Variants in ADAMTS18 observed in about 807,000 individuals in gnomAD.
The protein encoded by ADAMTS18 is ADAM metallopeptidase with thrombospondin type 1 motif 18.
A neutral mutation model predicts 165.9 loss-of-function variants in ADAMTS18; 157 were observed. The ratio of observed to expected loss-of-function variants is 0.95; its 90% CI spans 0.83 to 1.08. The LOEUF is 1.08. ADAMTS18 is among the 50% of genes least tolerant of loss of function. The pLI is 0.00. For synonymous variants in ADAMTS18, 782 were observed against 578.2 expected (o/e 1.35, Z -5.06); for missense variants, 2,040 against 1,534.0 (o/e 1.33, Z -5.51).
chr16:77,416,836 C>G (rs116807944), intron 3 of ADAMTS18, among the ~76,000 whole-genome samples: 1 of 152,140 alleles, frequency 6.6e-6, no homozygotes, highest in African/African-American at 2.4e-5. Flanking sequence ...AGAGAAGAAG[C>G]TGCTACAGGA....
chr16:77,333,093 G>A (rs2056216671), intron 12 of ADAMTS18, among the ~76,000 whole-genome samples: 1 of 152,154 alleles, frequency 6.6e-6, no homozygotes, highest in African/African-American at 2.4e-5. Flanking sequence ...TAGAACCCTA[G>A]TTTAGATGAA....
intron 3 of ADAMTS18, among the ~76,000 whole-genome samples, chr16:77,388,753 C>T (rs1007852237): frequency 5.3e-5 from 8 of 152,120 alleles, no homozygotes; most frequent in African/African-American, 1.9e-4. Flanking sequence ...GTTTTCTTCC[C>T]CTCAGCAATG....
At position 77,307,659 on chromosome 16, in the gene ADAMTS18, C is replaced by T. The variant is rs1038016824; in HGVS notation, c.2533-7255G>A. Among the ~76,000 whole-genome samples, 12 of 152,308 alleles carry T rather than the reference C, an allele frequency of 7.9e-5. No homozygotes were observed. The East Asian group carries it at 2.1e-3, about 27-fold the overall frequency. ...CATCGCAAAAGTACCTCTGAATCGT[C>T]CTCTCGAGCCTGACTATTCTATCAT... On this transcript the variant is annotated intron_variant, in intron 16 of 22. Transcript: ENST00000282849.
chr16:77,358,353 A>G (rs1291293688), intron 8 of ADAMTS18, among the ~76,000 whole-genome samples: 1 of 152,156 alleles, frequency 6.6e-6, no homozygotes, highest in Non-Finnish European at 1.5e-5. Context: ...AGGTCGGCAG[A>G]TCACCTGTAG....
At chr16:77,346,567 T>G (rs1372043226) in intron 10 of ADAMTS18, among the ~76,000 whole-genome samples, 3 of 152,200 alleles carry the variant, frequency 2.0e-5, no homozygotes, top group Non-Finnish European at 4.4e-5. Context: ...ATCATCATTG[T>G]GGCCACATGA....
At chr16:77,359,496 C>G in intron 7 of ADAMTS18, 73 bp from the exon 8 acceptor site, 1 of 1,238,702 alleles carries the variant, frequency 8.1e-7, no homozygotes, top group South Asian at 1.3e-5. Context: ...TTTATGTCCT[C>G]AAAATGTTCT....
intron 3 of ADAMTS18, among the ~76,000 whole-genome samples, chr16:77,428,949 A>G (rs1200244575): frequency 7.2e-5 from 11 of 152,204 alleles, no homozygotes. Context: ...ATCAAAATGC[A>G]TATACAAGAA....
intron 3 of ADAMTS18, among the ~76,000 whole-genome samples, chr16:77,377,680 T>C (rs184421305): frequency 6.6e-6 from 1 of 152,318 alleles, no homozygotes; most frequent in East Asian, 1.9e-4. Context: ...TCATCAATAA[T>C]TAATTTATTT....
At chr16:77,386,927 A>C (rs2057115948) in intron 3 of ADAMTS18, among the ~76,000 whole-genome samples, 1 of 152,216 alleles carries the variant, frequency 6.6e-6, no homozygotes, top group African/African-American at 2.4e-5. Flanking sequence ...CTACAGCAAC[A>C]AACTACAGAA....
chr16:77,356,062 G>T lies in ADAMTS18; in HGVS notation c.1338C>A (p.His446Gln). The T allele has an allele frequency of 6.2e-7, 1 of 1,613,952 alleles. No homozygotes were observed. Among genetic ancestry groups the T allele is most frequent in the Non-Finnish European group, 8.5e-7 (1 of 1,179,932 alleles). Residue 446 changes from histidine (H) to glutamine (Q), a missense_variant, in exon 9 of 23, where the codon CAC (histidine) becomes CAA (glutamine). By Grantham distance (24) the His-to-Gln change is conservative. Coordinates refer to ENST00000282849, the MANE Select transcript of ADAMTS18 (RefSeq NM_199355.4). ...HESGHNFGMIHDGEGNPCRKA... is the reference protein window; with the variant it reads ...HESGHNFGMIQDGEGNPCRKA... ...TTCTGCAGGGATTCCCTTCTCCATC[G>T]TGAATCATACCAAAGCTGAAACAGA...
intron 20 of ADAMTS18, 112 bp downstream of exon 20, chr16:77,292,964 C>A: frequency 7.5e-7 from 1 of 1,328,542 alleles, no homozygotes; most frequent in Non-Finnish European, 1.1e-6. Context: ...AGACTACAGG[C>A]GCCTGCCACC....
rs2055537721 is a variant in ADAMTS18 at position 77,299,418 on chromosome 16, C to A, written c.2674+845G>T. Among the ~76,000 whole-genome samples the A allele has an allele frequency of 2.0e-5, 3 of 152,120 alleles. No individual in the cohort carries two copies. In the South Asian group the frequency reaches 6.2e-4, roughly 32 times the overall value. ...TATTTTTTCATACTTTGTTAATTAG[C>A]ATGGACCTACAGATAGGCCTTTCAG... On this transcript the variant is annotated intron_variant, in intron 17 of 22. Transcript: ENST00000282849.
chr16:77,357,208 A>C (rs371129454), intron 8 of ADAMTS18, among the ~76,000 whole-genome samples: 20 of 152,172 alleles, frequency 1.3e-4, no homozygotes, highest in African/African-American at 4.3e-4. Flanking sequence ...ATACCAAATA[A>C]ATATGTTACG....
intron 12 of ADAMTS18, among the ~76,000 whole-genome samples, chr16:77,334,812 C>T (rs1336098802): frequency 8.6e-6 from 1 of 115,852 alleles, no homozygotes; most frequent in Non-Finnish European, 1.7e-5. Context: ...CTATAGTATA[C>T]AGTATATATA....
At chr16:77,320,256 T>C (rs575733931) in intron 15 of ADAMTS18, among the ~76,000 whole-genome samples, 163 bp from the exon 16 acceptor site, 52 of 152,284 alleles carry the variant, frequency 3.4e-4, no homozygotes, top group African/African-American at 1.1e-3. Flanking sequence ...AATGATTTCA[T>C]TGTCCAAATA....
At chr16:77,390,920 C>G (rs936667946) in intron 3 of ADAMTS18, among the ~76,000 whole-genome samples, 1 of 152,172 alleles carries the variant, frequency 6.6e-6, no homozygotes, top group Non-Finnish European at 1.5e-5. Flanking sequence ...CCATACTAAA[C>G]AGTCTGGAAA....
chr16:77,341,832 G>A, intron 10 of ADAMTS18, 33 bp from the exon 11 acceptor site: 1 of 1,490,724 alleles, frequency 6.7e-7, no homozygotes, highest in Non-Finnish European at 9.3e-7. Flanking sequence ...TGCTGTTAAT[G>A]GTGATATACA....
chr16:77,328,254 A>G (rs1292825946), intron 12 of ADAMTS18, among the ~76,000 whole-genome samples: 1 of 152,162 alleles, frequency 6.6e-6, no homozygotes, highest in Non-Finnish European at 1.5e-5. Context: ...CTCCGTGCAC[A>G]AAGATGTGGC....
intron 3 of ADAMTS18, among the ~76,000 whole-genome samples, chr16:77,417,980 C>A (rs1237227868): frequency 6.6e-6 from 1 of 152,196 alleles, no homozygotes; most frequent in African/African-American, 2.4e-5. Context: ...GAAACAGAAT[C>A]CACATTTCAA....
Sources: gnomAD v4.1 joint callset for allele counts (sites outside exome capture counted in the v4.1 genomes callset) on GRCh38, gnomAD v4.1.1 for gene constraint, MANE v1.5 for transcripts, NCBI Gene and HGNC (gene_info 2026-07-23, HGNC 2026-07-21) for gene names.